RPTOR: variants seen among roughly 807,000 people sequenced by gnomAD.
RPTOR encodes regulatory associated protein of MTOR complex 1.
Under a neutral mutation model 169.9 loss-of-function variants are expected in RPTOR, and 21 were observed. The observed-to-expected ratio is 0.12, with a 90% CI of 0.09 to 0.18. RPTOR has a LOEUF of 0.18. RPTOR is among the 10% of genes least tolerant of loss of function. The pLI, the probability that RPTOR is intolerant of heterozygous loss-of-function variation, is 1.00. For synonymous variants in RPTOR, 732 were observed against 753.2 expected (o/e 0.97, Z 0.46); for missense variants, 1,133 against 1,855.9 (o/e 0.61, Z 7.16).
At chr17:80,717,453 G>A (rs1567872872) in intron 4 of RPTOR, among the ~76,000 whole-genome samples, 2 of 152,004 alleles carry the variant, frequency 1.3e-5, no homozygotes, top group African/African-American at 4.8e-5. Context: ...GTCTTTCTTG[G>A]TTGTATTTTC....
intron 6 of RPTOR, among the ~76,000 whole-genome samples, chr17:80,788,577 G>A (rs1039091109): frequency 6.6e-6 from 1 of 152,112 alleles, no homozygotes; most frequent in Admixed American, 6.5e-5. Context: ...TCTGGTTCTT[G>A]TTTCTTTGAA....
intron 3 of RPTOR, among the ~76,000 whole-genome samples, chr17:80,670,692 A>G (rs773868417): frequency 6.6e-6 from 1 of 152,170 alleles, no homozygotes; most frequent in Non-Finnish European, 1.5e-5. Flanking sequence ...ACACGCATTC[A>G]GCTCTGGTAT....
At chr17:80,698,886 A>C (rs1161830171) in intron 3 of RPTOR, among the ~76,000 whole-genome samples, 1 of 152,232 alleles carries the variant, frequency 6.6e-6, no homozygotes, top group East Asian at 1.9e-4. Context: ...GGGGAAACCC[A>C]GGCGAGCCTG....
At chr17:80,882,229 G>A (rs2068193625) in intron 14 of RPTOR, among the ~76,000 whole-genome samples, 1 of 152,180 alleles carries the variant, frequency 6.6e-6, no homozygotes, top group South Asian at 2.1e-4. Context: ...AGGAGAATAA[G>A]TAGAGAAGCA....
intron 7 of RPTOR, among the ~76,000 whole-genome samples, chr17:80,797,444 G>A (rs925884879): frequency 1.3e-5 from 2 of 152,202 alleles, no homozygotes; most frequent in South Asian, 2.1e-4. Context: ...CGCTGTGCCC[G>A]GCCATGTCTT....
rs2065594809 is a variant in RPTOR, at chr17:80,646,261, C to T, written c.348+2451C>T. Among the ~76,000 whole-genome samples the T allele has an allele frequency of 6.6e-6, 1 of 152,164 alleles. No homozygotes were observed. The highest frequency in any genetic ancestry group is 6.5e-5 in the Admixed American group (1 of 15,272). On this transcript the variant is annotated intron_variant, in intron 3 of 33. Transcript: ENST00000306801. The surrounding 1 kb of genome is among the most constrained non-coding windows in gnomAD (Gnocchi z 5.0). ...AATAAAAATGTTTAAAAATTTCCTG[C>T]TACTATCCATGAGCGGGCCTCATCT... is the stretch of plus-strand genomic sequence containing the variant.
rs8065149 is a variant in RPTOR, at chr17:80,824,615, A to G, written c.1136+1392A>G. ...AAAGAGGAAGGAAAAAGAAAAAAAA[A>G]GCTGAAGGGGTCAGTGCCACATCAG... On this transcript the variant is annotated intron_variant, in intron 9 of 33. Coordinates refer to ENST00000306801, the MANE Select transcript of RPTOR (RefSeq NM_020761.3). Among the ~76,000 whole-genome samples the G allele has an allele frequency of 3.3e-5, 5 of 152,290 alleles. No individual in the cohort carries two copies. The East Asian group carries it at 9.6e-4, about 29-fold the overall frequency.
At chr17:80,722,201 T>C (rs953204631) in intron 4 of RPTOR, among the ~76,000 whole-genome samples, 1 of 151,076 alleles carries the variant, frequency 6.6e-6, no homozygotes, top group Non-Finnish European at 1.5e-5. Context: ...TCATCATCAT[T>C]GAGTTTGGAA....
chr17:80,589,908 T>G (rs2065090859), intron 1 of RPTOR, among the ~76,000 whole-genome samples: 1 of 152,232 alleles, frequency 6.6e-6, no homozygotes, highest in Non-Finnish European at 1.5e-5. Flanking sequence ...TTTTTCTATC[T>G]GTGCTACACT....
At chr17:80,800,261 C>T (rs1373267007) in intron 7 of RPTOR, among the ~76,000 whole-genome samples, 1 of 152,192 alleles carries the variant, frequency 6.6e-6, no homozygotes, top group Non-Finnish European at 1.5e-5. Context: ...TCTTTGTCGG[C>T]ACTGGAGACG....
intron 3 of RPTOR, among the ~76,000 whole-genome samples, chr17:80,697,022 A>G (rs1598231808): frequency 6.6e-6 from 1 of 152,198 alleles, no homozygotes; most frequent in African/African-American, 2.4e-5. Flanking sequence ...GCAAAGGGCT[A>G]GTGTGACAGT....
At chr17:80,674,029 G>T (rs147552922) in intron 3 of RPTOR, among the ~76,000 whole-genome samples, 1 of 152,184 alleles carries the variant, frequency 6.6e-6, no homozygotes, top group South Asian at 2.1e-4. Flanking sequence ...GAAAACTACT[G>T]ATTTCTTTGG....
chr17:80,789,854 G>A (rs916332140), intron 6 of RPTOR, among the ~76,000 whole-genome samples: 1 of 152,166 alleles, frequency 6.6e-6, no homozygotes, highest in East Asian at 1.9e-4. Context: ...TTAATATTTT[G>A]TCCAGAGCTT....
chr17:80,637,479 C>G (rs1464737280), intron 2 of RPTOR, among the ~76,000 whole-genome samples: 1 of 152,184 alleles, frequency 6.6e-6, no homozygotes, highest in Non-Finnish European at 1.5e-5. Flanking sequence ...AGTTGCTGTT[C>G]TAGTTCATAG....
chr17:80,603,559 A>T (rs1189469063), intron 1 of RPTOR, among the ~76,000 whole-genome samples: 3 of 152,166 alleles, frequency 2.0e-5, no homozygotes, highest in Non-Finnish European at 4.4e-5. Flanking sequence ...TCCAGGATTT[A>T]CTGGGAGTAC....
At chr17:80,800,483 T>C (rs1459030333) in intron 7 of RPTOR, among the ~76,000 whole-genome samples, 2 of 152,288 alleles carry the variant, frequency 1.3e-5, no homozygotes, top group South Asian at 2.1e-4. Context: ...TGTGCATAAT[T>C]ATTTAGCAGT....
intron 10 of RPTOR, among the ~76,000 whole-genome samples, chr17:80,846,223 T>C (rs2589157): frequency 0.9 from 136,946 of 152,308 alleles, 61,669 homozygotes; most frequent in Admixed American, 0.92. Context: ...CTCGGTGCCC[T>C]GGCCAAAAGC....
chr17:80,872,302 C>T (rs2068060140), intron 13 of RPTOR, among the ~76,000 whole-genome samples: 1 of 152,174 alleles, frequency 6.6e-6, no homozygotes, highest in Non-Finnish European at 1.5e-5. Context: ...CTCTTTTTAG[C>T]CATCCTCCTA....
intron 5 of RPTOR, among the ~76,000 whole-genome samples, chr17:80,733,058 C>A (rs2066405336): frequency 6.6e-6 from 1 of 152,162 alleles, no homozygotes; most frequent in Non-Finnish European, 1.5e-5. Context: ...ATATGAGTGA[C>A]ATAAATTTTA....
Sources: allele counts gnomAD v4.1 joint callset (sites outside exome capture counted in the v4.1 genomes callset), GRCh38; gene constraint gnomAD v4.1.1; non-coding constraint Gnocchi (gnomAD v3.1); transcripts MANE v1.5; gene names NCBI Gene and HGNC (gene_info 2026-07-23, HGNC 2026-07-21).